The following DSC2 variants were observed in gnomAD, a reference collection of about 807,000 sequenced individuals.
The protein encoded by DSC2 is desmocollin 2, also known as desmocollin-2.
DSC2 carries 51 observed loss-of-function variants against 87.6 expected under a neutral mutation model. The observed-to-expected ratio is 0.58, with a 90% confidence interval of 0.46 to 0.74. The LOEUF is 0.74. Among genes scored for constraint, DSC2 ranks in the 30% least tolerant of loss-of-function variants. The probability of loss-of-function intolerance (pLI) is 0.00; values close to 1 mark genes in which losing one functional copy is unlikely to be tolerated. For missense variants in DSC2, 1,066 were observed against 1,089.5 expected, an observed-to-expected ratio of 0.98 and a Z score of 0.30; for synonymous variants, 383 against 393.2, an observed-to-expected ratio of 0.97 and a Z score of 0.31.
Position 31,075,927 on chromosome 18 carries a change from C to T in DSC2, c.1664-1020G>A, listed in dbSNP as rs551629423. On this transcript the variant is annotated intron_variant, in intron 11 of 15. Coordinates refer to ENST00000280904, the MANE Select transcript of DSC2 (RefSeq NM_024422.6). ...GATGACGACTTTATATAAAGCACTG[C>T]ACTGGAAAATCTGGGGGATTCAAAG... Among the ~76,000 whole-genome samples the T allele has an allele frequency of 8.5e-5, 13 of 152,096 alleles. No individual in the cohort carries two copies. In the South Asian group the frequency reaches 2.7e-3, roughly 32 times the overall value.
chr18:31,099,207 T>C (rs976821619), intron 1 of DSC2, among the ~76,000 whole-genome samples: 1 of 152,100 alleles, frequency 6.6e-6, no homozygotes, highest in Non-Finnish European at 1.5e-5. Context: ...TAAAAGTGGA[T>C]AAAATGCCCT....
intron 7 of DSC2, among the ~76,000 whole-genome samples, chr18:31,085,806 A>G (rs1987376115): frequency 6.6e-6 from 1 of 152,134 alleles, no homozygotes. Flanking sequence ...ATAAGGACAC[A>G]GAAACTGCTA....
In DSC2 at chr18:31,071,133, A is replaced by G. The variant is rs148022419; in HGVS notation, c.2126-283T>C. Among the ~76,000 whole-genome samples the G allele has an allele frequency of 2.3e-3, 354 of 152,106 alleles. 2 individuals are homozygous for G. The highest frequency in any genetic ancestry group is 8.1e-3 in the African/African-American group (338 of 41,552). ...GAATTTTATGTCTATAATAACTAAG[A>G]CACTAGAACTATACATAAATGCACT... On this transcript the variant is annotated intron_variant, in intron 13 of 15. Transcript: ENST00000280904.
chr18:31,085,776 A>T (rs1431233661), intron 7 of DSC2, among the ~76,000 whole-genome samples: 1 of 152,070 alleles, frequency 6.6e-6, no homozygotes, highest in African/African-American at 2.4e-5. Context: ...TTTTAAGATT[A>T]AGGATTATAA....
chr18:31,101,041 T>C (rs1369146953), intron 1 of DSC2, among the ~76,000 whole-genome samples: 1 of 150,824 alleles, frequency 6.6e-6, no homozygotes, highest in Non-Finnish European at 1.5e-5. Flanking sequence ...ATTGCTGTAG[T>C]GCTCTTTAAA....
At chr18:31,082,653 G>A (rs559621164) in intron 8 of DSC2, among the ~76,000 whole-genome samples, 118 of 152,156 alleles carry the variant, frequency 7.8e-4, no homozygotes, top group African/African-American at 2.5e-3. Flanking sequence ...TGCCTTCCAC[G>A]TTCAGGCGAT....
chr18:31,097,443 T>A (rs893153171), intron 1 of DSC2, among the ~76,000 whole-genome samples: 1 of 151,476 alleles, frequency 6.6e-6, no homozygotes, highest in African/African-American at 2.4e-5. Flanking sequence ...AAGACAAAAA[T>A]CAACAACGTA....
intron 3 of DSC2, chr18:31,091,542 C>T: frequency 2.2e-6 from 1 of 460,222 alleles, no homozygotes; most frequent in Non-Finnish European, 4.4e-6. Context: ...AGCAACTAGG[C>T]AGAGCCAGGG....
chr18:31,091,484 AGT>A (rs1353731943), intron 3 of DSC2: 2 of 477,098 alleles, frequency 4.2e-6, no homozygotes, highest in East Asian at 6.3e-5. Flanking sequence ...AAAGAAAATA[AGT>A]GTGTATGTGC....
rs193127516 is a variant in DSC2 at position 31,079,444 on chromosome 18, G to A, written c.1663+403C>T. On this transcript the variant is annotated intron_variant, in intron 11 of 15. Coordinates refer to ENST00000280904, the MANE Select transcript of DSC2 (RefSeq NM_024422.6). ...AATTTTTAATATTTTTGGTAGAGAC[G>A]GGATTTCACCATGTTGGCCAGGCTG... 4.0e-3 allele frequency among the ~76,000 whole-genome samples: 604 copies of A among 152,046 alleles called. 5 individuals are homozygous for A. The highest frequency in any genetic ancestry group is 5.8e-3 in the Non-Finnish European group (393 of 67,972).
chr18:31,082,139 T>G, intron 9 of DSC2, 99 bp downstream of exon 9: 1 of 1,164,030 alleles, frequency 8.6e-7, no homozygotes, highest in Non-Finnish European at 1.2e-6. Context: ...ATATACCTAT[T>G]TTATTCTACA....
intron 3 of DSC2, 101 bp from the exon 4 acceptor site, chr18:31,091,248 G>A (rs1987588338): frequency 6.7e-7 from 1 of 1,483,318 alleles, no homozygotes; most frequent in Non-Finnish European, 9.3e-7. Context: ...GATTAGCTGG[G>A]TAGGGGTGAG....
intron 15 of DSC2, 94 bp from the exon 16 acceptor site, chr18:31,068,306 T>G: frequency 6.2e-7 from 1 of 1,613,682 alleles, no homozygotes; most frequent in Non-Finnish European, 8.5e-7. Flanking sequence ...TACCTTTCAT[T>G]GTTTAATTTT....
At chr18:31,100,528 T>C (rs896505954) in intron 1 of DSC2, among the ~76,000 whole-genome samples, 10 of 152,266 alleles carry the variant, frequency 6.6e-5, no homozygotes, top group African/African-American at 2.4e-4. Flanking sequence ...AACTGCTGTG[T>C]ACTTGGCCCT....
chr18:31,101,947 A>G lies in DSC2; in HGVS notation c.25T>C (p.Ser9Pro). MEAARPSG[S>P]WNGALCRLLL... Reference sequence around the variant, plus strand: ...AGCCGGCAGAGGGCTCCGTTCCAGGAGCCGGAGGGGCGGGCTGCCTCCATG... The same window carrying G: ...AGCCGGCAGAGGGCTCCGTTCCAGGGGCCGGAGGGGCGGGCTGCCTCCATG... Residue 9 changes from serine to proline, a missense_variant, in exon 1 of 16, where the codon TCC (serine) becomes CCC (proline). By Grantham distance (74) the Ser-to-Pro change is moderately conservative. Transcript: ENST00000280904. 6.5e-7 allele frequency: 1 copy of G among 1,527,652 alleles called. No individual in the cohort carries two copies. Among genetic ancestry groups the G allele is most frequent in the Non-Finnish European group, 8.8e-7 (1 of 1,142,856 alleles). The allele number at this position is 1,527,652 out of a possible 1,614,324, so 94.6% of individuals were successfully genotyped here.
intron 7 of DSC2, among the ~76,000 whole-genome samples, 170 bp downstream of exon 7, chr18:31,086,406 C>A (rs1368814267): frequency 5.9e-5 from 9 of 152,094 alleles, no homozygotes. Flanking sequence ...ATTAGCAGTT[C>A]AAAACCAGCA....
intron 3 of DSC2, among the ~76,000 whole-genome samples, chr18:31,091,859 C>T (rs1987610729): frequency 6.6e-6 from 1 of 152,176 alleles, no homozygotes; most frequent in Non-Finnish European, 1.5e-5. Context: ...TCTAATCTCA[C>T]TTTCCCATGC....
chr18:31,059,155 A>G lies in DSC2; in HGVS notation c.*8860T>C, dbSNP rs1986453546. 1 of 152,198 alleles carries G rather than the reference A, an allele frequency of 6.6e-6. No homozygotes were observed. The highest frequency in any genetic ancestry group is 2.1e-4 in the South Asian group (1 of 4,832). 9.4% of individuals were successfully genotyped at this position (152,198 alleles called of 1,614,324 possible). A position where few individuals can be genotyped will look rare whatever the true frequency, so the allele number is the denominator to read the frequency against. On this transcript the variant is annotated 3_prime_UTR_variant, in exon 16 of 16. Transcript: ENST00000280904. ...TTAGGTTGCATGGAGAATGCGATGCATTGTGCAAAGATTAACTGTGATTGT... is the reference window on the plus strand; with the variant it reads ...TTAGGTTGCATGGAGAATGCGATGCGTTGTGCAAAGATTAACTGTGATTGT...
Position 31,061,257 on chromosome 18 carries a change from T to G in DSC2, c.*6758A>C, listed in dbSNP as rs1408488680. 1 of 152,184 alleles carries G rather than the reference T, an allele frequency of 6.6e-6. No individual in the cohort carries two copies. Among genetic ancestry groups the G allele is most frequent in the African/African-American group, 2.4e-5 (1 of 41,464 alleles). 9.4% of individuals were successfully genotyped at this position (152,184 alleles called of 1,614,324 possible). A position where few individuals can be genotyped will look rare whatever the true frequency, so the allele number is the denominator to read the frequency against. ...AAGCAGTGAGTGTTCTGCTCTGTCC[T>G]CTCCCTTGAATCCTAACAAAATAAG... On this transcript the variant is annotated 3_prime_UTR_variant, in exon 16 of 16. Transcript: ENST00000280904.
Sources: allele counts gnomAD v4.1 joint callset (sites outside exome capture counted in the v4.1 genomes callset), GRCh38; gene constraint gnomAD v4.1.1; transcripts MANE v1.5; gene names NCBI Gene and HGNC (gene_info 2026-07-23, HGNC 2026-07-21).